Variants in UST observed in about 807,000 individuals in gnomAD.
The protein encoded by UST is uronyl 2-sulfotransferase.
UST carries 21 observed loss-of-function variants against 45.6 expected under a neutral mutation model. The observed-to-expected ratio is 0.46, with a 90% confidence interval of 0.33 to 0.66. The LOEUF (loss-of-function observed/expected upper bound fraction) is 0.66. Ranked by LOEUF, UST falls within the 30% of genes least tolerant of loss-of-function variation. The pLI, the probability that UST is intolerant of heterozygous loss-of-function variation, is 0.02. For missense variants in UST, 463 were observed against 512.4 expected, an observed-to-expected ratio of 0.90 and a Z score of 0.93; for synonymous variants, 215 against 200.6, an observed-to-expected ratio of 1.07 and a Z score of -0.61.
At chr6:148,788,014 G>A (rs958151199) in intron 1 of UST, among the ~76,000 whole-genome samples, 7 of 152,124 alleles carry the variant, frequency 4.6e-5, no homozygotes, top group Non-Finnish European at 1.0e-4. Context: ...AGATGTACCC[G>A]AGACTGGGAA....
chr6:148,841,581 G>GTTTTTTT (rs770638985), intron 1 of UST, among the ~76,000 whole-genome samples: 21 of 111,264 alleles, frequency 1.9e-4, no homozygotes, highest in Non-Finnish European at 2.8e-4. Flanking sequence ...GGTCTGTTTT[G>GTTTTTTT]TTTTTGTTTT....
intron 7 of UST, among the ~76,000 whole-genome samples, chr6:149,056,117 C>CTTTTTTTTTTTTT (rs34191810): frequency 3.3e-4 from 27 of 81,062 alleles, no homozygotes; most frequent in Non-Finnish European, 5.1e-4. Context: ...CTTTTCTTTT[C>CTTTTTTTTTTTTT]TTTTTTTTTT....
At chr6:148,990,023 G>A (rs1781317425) in intron 5 of UST, among the ~76,000 whole-genome samples, 1 of 152,078 alleles carries the variant, frequency 6.6e-6, no homozygotes, top group Non-Finnish European at 1.5e-5. Context: ...AAGCGTTTAG[G>A]GGAAGAAAGT....
At chr6:149,030,436 A>T (rs764444916) in intron 7 of UST, among the ~76,000 whole-genome samples, 44 of 151,532 alleles carry the variant, frequency 2.9e-4, no homozygotes, top group Non-Finnish European at 5.4e-4. Context: ...GAGCCTAGGA[A>T]TTCAAGACCA....
rs1781397987 is a variant in UST, at chr6:148,993,754, C to T, written c.682-25385C>T. Among the ~76,000 whole-genome samples the T allele has an allele frequency of 2.0e-5, 3 of 152,046 alleles. No individual in the cohort carries two copies. The South Asian group carries it at 6.2e-4, about 32-fold the overall frequency. On this transcript the variant is annotated intron_variant, in intron 5 of 7. Coordinates refer to ENST00000367463, the MANE Select transcript of UST (RefSeq NM_005715.3). ...GGCCATTTAAAAGTGTGTGGCCCCTCCTCCCCTGAGCCTCACTTGCTCCTG... is the reference window on the plus strand; with the variant it reads ...GGCCATTTAAAAGTGTGTGGCCCCTTCTCCCCTGAGCCTCACTTGCTCCTG...
intron 1 of UST, among the ~76,000 whole-genome samples, chr6:148,840,160 G>A (rs1777862510): frequency 6.6e-6 from 1 of 152,190 alleles, no homozygotes; most frequent in Non-Finnish European, 1.5e-5. Context: ...GGAACCCAAA[G>A]GAAGGTATGT....
intron 2 of UST, among the ~76,000 whole-genome samples, chr6:148,928,766 A>C (rs1288916719): frequency 1.3e-5 from 2 of 152,264 alleles, no homozygotes; most frequent in Non-Finnish European, 2.9e-5. Context: ...ACATAATTTC[A>C]TCTGAGAGCA....
At chr6:149,049,081 T>C (rs1776437361) in intron 7 of UST, among the ~76,000 whole-genome samples, 1 of 152,230 alleles carries the variant, frequency 6.6e-6, no homozygotes, top group African/African-American at 2.4e-5. Flanking sequence ...TCAAATTGTA[T>C]ATTAAAATTG....
intron 5 of UST, among the ~76,000 whole-genome samples, chr6:149,013,865 C>T (rs1775856703): frequency 6.6e-6 from 1 of 152,120 alleles, no homozygotes; most frequent in African/African-American, 2.4e-5. Flanking sequence ...TTTTTCAGTT[C>T]AGTGGCTTTC....
At chr6:148,793,421 G>C (rs1012093603) in intron 1 of UST, among the ~76,000 whole-genome samples, 2 of 152,120 alleles carry the variant, frequency 1.3e-5, no homozygotes, top group African/African-American at 4.8e-5. Flanking sequence ...GATAGACCAG[G>C]TCCCCAGAAA....
At chr6:148,892,300 T>C (rs1472123091) in intron 2 of UST, among the ~76,000 whole-genome samples, 1 of 152,218 alleles carries the variant, frequency 6.6e-6, no homozygotes, top group African/African-American at 2.4e-5. Context: ...TCTCTTTCTG[T>C]CAGTTATCTT....
At chr6:148,942,279 A>G (rs1348897679) in intron 3 of UST, among the ~76,000 whole-genome samples, 1 of 152,118 alleles carries the variant, frequency 6.6e-6, no homozygotes, top group East Asian at 1.9e-4. Context: ...GGTTGAGATC[A>G]TCATTATAAA....
intron 5 of UST, among the ~76,000 whole-genome samples, chr6:148,995,526 C>T (rs1251678570): frequency 6.6e-6 from 1 of 152,220 alleles, no homozygotes; most frequent in African/African-American, 2.4e-5. Flanking sequence ...TATCTACTAG[C>T]ATTATTCTTG....
intron 1 of UST, among the ~76,000 whole-genome samples, chr6:148,769,011 T>C (rs1300819513): frequency 6.6e-6 from 1 of 152,248 alleles, no homozygotes; most frequent in African/African-American, 2.4e-5. Flanking sequence ...CTGTCCTCCC[T>C]GGACCTCTGT....
rs114828777 is a variant in UST, at chr6:148,819,916, G to T, written c.248-67070G>T. 2.3e-3 allele frequency among the ~76,000 whole-genome samples: 344 copies of T among 152,282 alleles called. 1 individual carries two copies. The highest frequency in any genetic ancestry group is 7.8e-3 in the African/African-American group (323 of 41,550). On this transcript the variant is annotated intron_variant, in intron 1 of 7. Transcript: ENST00000367463. ...TTCTGATTTCCTAACTCTTCTGGGG[G>T]TTTATACCCTTCAGCTTTTTCCACG...
In UST at chr6:148,783,128, A is replaced by T. The variant is rs564189263; in HGVS notation, c.247+35451A>T. 2.0e-5 allele frequency among the ~76,000 whole-genome samples: 3 copies of T among 152,366 alleles called. No individual in the cohort carries two copies. In the South Asian group the frequency reaches 6.2e-4, roughly 32 times the overall value. On this transcript the variant is annotated intron_variant, in intron 1 of 7. Coordinates refer to ENST00000367463, the MANE Select transcript of UST (RefSeq NM_005715.3). ...AAGACCCTCCTCCAGCAAAAAGATT[A>T]TGACTCACTGAAGGCTCAGATGATT...
At chr6:148,858,794 A>C (rs1480078530) in intron 1 of UST, among the ~76,000 whole-genome samples, 1 of 152,190 alleles carries the variant, frequency 6.6e-6, no homozygotes, top group East Asian at 1.9e-4. Context: ...GATCGTTTCC[A>C]GCTTCATCCA....
intron 2 of UST, among the ~76,000 whole-genome samples, chr6:148,937,265 T>C (rs772582069): frequency 4.6e-5 from 7 of 152,194 alleles, no homozygotes; most frequent in Non-Finnish European, 1.0e-4. Flanking sequence ...GTTCATATCA[T>C]GTAGGTGTGT....
chr6:148,980,070 T>C (rs79061087), intron 5 of UST, among the ~76,000 whole-genome samples: 4,051 of 152,268 alleles, frequency 0.027, 145 homozygotes, highest in African/African-American at 0.082. Flanking sequence ...TGGTCCTTCA[T>C]CTTTATCAAG....
Sources: gnomAD v4.1 joint callset for allele counts (sites outside exome capture counted in the v4.1 genomes callset) on GRCh38, gnomAD v4.1.1 for gene constraint, MANE v1.5 for transcripts, NCBI Gene and HGNC (gene_info 2026-07-23, HGNC 2026-07-21) for gene names.